The following NRG1 variants were observed in gnomAD, a reference collection of about 807,000 sequenced individuals.
The protein encoded by NRG1 is pro-neuregulin-1, membrane-bound isoform.
A neutral mutation model predicts 63.8 loss-of-function variants in NRG1; 18 were observed. The ratio of observed to expected loss-of-function variants is 0.28; its 90% CI spans 0.19 to 0.42. The LOEUF is 0.42. Among genes scored for constraint, NRG1 ranks in the 10% least tolerant of loss-of-function variants. The pLI is 1.00. For synonymous variants in NRG1, 302 were observed against 301.3 expected, an observed-to-expected ratio of 1.00 and a Z score of -0.02; for missense variants, 762 against 814.7, an observed-to-expected ratio of 0.94 and a Z score of 0.79.
chr8:31,786,091 A>G (rs919270070), intron 1 of NRG1, among the ~76,000 whole-genome samples: 4 of 152,232 alleles, frequency 2.6e-5, no homozygotes, highest in Non-Finnish European at 5.9e-5. Context: ...CTGTATGCCA[A>G]GAAATATTCT....
At chr8:31,949,544 C>T (rs188503554) in intron 1 of NRG1, among the ~76,000 whole-genome samples, 75 of 152,310 alleles carry the variant, frequency 4.9e-4, no homozygotes, top group African/African-American at 1.7e-3. Context: ...CTTCTGGAAA[C>T]AGTATCTTCT....
chr8:31,743,145 CG>C (rs1280528794), intron 1 of NRG1, among the ~76,000 whole-genome samples: 3 of 151,942 alleles, frequency 2.0e-5, no homozygotes, highest in Non-Finnish European at 4.4e-5. Context: ...TGCCTTCTTG[CG>C]GTCTTGCAAT....
chr8:31,703,223 AT>A (rs1810803822), intron 1 of NRG1, among the ~76,000 whole-genome samples: 1 of 151,650 alleles, frequency 6.6e-6, no homozygotes, highest in Non-Finnish European at 1.5e-5. Context: ...GTCTGCTGTA[AT>A]TTTGTAATCT....
At chr8:32,250,650 A>G (rs1394029995) in intron 1 of NRG1, among the ~76,000 whole-genome samples, 3 of 152,136 alleles carry the variant, frequency 2.0e-5, no homozygotes, top group Non-Finnish European at 2.9e-5. Context: ...TAAAACTGTT[A>G]TTATAAAATG....
At chr8:32,268,939 T>C (rs947415927) in intron 1 of NRG1, among the ~76,000 whole-genome samples, 1 of 152,192 alleles carries the variant, frequency 6.6e-6, no homozygotes, top group African/African-American at 2.4e-5. Flanking sequence ...ATTACCCATT[T>C]AGTGAAATAA....
intron 5 of NRG1, among the ~76,000 whole-genome samples, chr8:32,673,055 G>T (rs1806119348): frequency 6.6e-6 from 1 of 152,158 alleles, no homozygotes; most frequent in Non-Finnish European, 1.5e-5. Flanking sequence ...TGACCATAGT[G>T]TTTATGCCTA....
At chr8:32,412,420 C>CTCTA (rs1563428128) in intron 1 of NRG1, among the ~76,000 whole-genome samples, 1 of 41,820 alleles carries the variant, frequency 2.4e-5, no homozygotes, top group South Asian at 1.2e-3. Context: ...CTCTCTCTCT[C>CTCTA]TACATATATA....
chr8:32,349,831 T>C (rs1328245231), intron 1 of NRG1, among the ~76,000 whole-genome samples: 6 of 152,194 alleles, frequency 3.9e-5, no homozygotes, highest in Non-Finnish European at 4.4e-5. Flanking sequence ...TGACATTCCA[T>C]ATAGCCATCT....
intron 1 of NRG1, among the ~76,000 whole-genome samples, chr8:32,222,670 AT>A (rs1237461192): frequency 6.6e-5 from 10 of 152,020 alleles, no homozygotes; most frequent in Non-Finnish European, 1.3e-4. Flanking sequence ...GATTTCCTTA[AT>A]TTTTCCCCCA....
intron 1 of NRG1, among the ~76,000 whole-genome samples, chr8:32,254,138 C>A (rs1428245554): frequency 6.6e-6 from 1 of 151,896 alleles, no homozygotes; most frequent in Non-Finnish European, 1.5e-5. Context: ...TTCAAAAAAC[C>A]AGCTCTTGGA....
chr8:32,153,163 G>T (rs1837685662), intron 1 of NRG1, among the ~76,000 whole-genome samples: 1 of 152,160 alleles, frequency 6.6e-6, no homozygotes, highest in African/African-American at 2.4e-5. Context: ...AAGTGGGTCA[G>T]AGGTAGAGGT....
At chr8:32,007,275 T>C (rs1259514060) in intron 1 of NRG1, among the ~76,000 whole-genome samples, 1 of 152,054 alleles carries the variant, frequency 6.6e-6, no homozygotes, top group East Asian at 1.9e-4. Context: ...TTCAACCTAG[T>C]GACCTTTCTA....
At chr8:31,664,802 A>C (rs1806355406) in intron 1 of NRG1, among the ~76,000 whole-genome samples, 1 of 152,310 alleles carries the variant, frequency 6.6e-6, no homozygotes, top group African/African-American at 2.4e-5. Context: ...CAGTCATATT[A>C]TAGGTTAATC....
intron 1 of NRG1, among the ~76,000 whole-genome samples, chr8:32,390,321 A>G (rs1322855352): frequency 6.6e-6 from 1 of 152,070 alleles, no homozygotes; most frequent in Non-Finnish European, 1.5e-5. Context: ...CTGGTGGCTC[A>G]CACCTGTGAT....
intron 1 of NRG1, among the ~76,000 whole-genome samples, chr8:32,564,686 G>A (rs1324325243): frequency 1.3e-5 from 2 of 152,170 alleles, no homozygotes; most frequent in African/African-American, 4.8e-5. Context: ...AATCAATCAA[G>A]GGTTGTTAAG....
intron 1 of NRG1, among the ~76,000 whole-genome samples, chr8:32,499,216 C>A (rs932275722): frequency 1.3e-5 from 2 of 152,196 alleles, no homozygotes; most frequent in African/African-American, 4.8e-5. Flanking sequence ...AAGCAGCATG[C>A]AGGTGGGAGT....
chr8:32,490,033 A>T (rs1826362320), intron 1 of NRG1, among the ~76,000 whole-genome samples: 1 of 152,158 alleles, frequency 6.6e-6, no homozygotes, highest in Non-Finnish European at 1.5e-5. Context: ...TTGCAGCTGG[A>T]TGTGGTGGCA....
downstream of NRG1, among the ~76,000 whole-genome samples, chr8:32,772,245 T>C (rs1370550614): frequency 6.6e-6 from 1 of 151,496 alleles, no homozygotes; most frequent in African/African-American, 2.4e-5. Context: ...AATTTTTTTT[T>C]CTCATCCTGG....
In NRG1 at chr8:31,798,114, G is replaced by C. The variant is rs1466123847; in HGVS notation, c.37+158683G>C. Among the ~76,000 whole-genome samples the C allele has an allele frequency of 6.6e-5, 10 of 152,038 alleles. 1 individual carries two copies. Among genetic ancestry groups the C allele is most frequent in the Admixed American group, 6.6e-4 (10 of 15,258 alleles). On this transcript the variant is annotated intron_variant, in intron 1 of 10. Transcript: ENST00000519301. ...AGAGGTTGGTGCAGGGTTATAGCTG[G>C]GCAAGAAGAATACTTTCTAGTGTTA... is the stretch of plus-strand genomic sequence containing the variant.
Sources: allele counts gnomAD v4.1 joint callset (sites outside exome capture counted in the v4.1 genomes callset), GRCh38; gene constraint gnomAD v4.1.1; transcripts MANE v1.5; gene names NCBI Gene and HGNC (gene_info 2026-07-23, HGNC 2026-07-21).